The following DENND5B variants were observed in gnomAD, a reference collection of about 807,000 sequenced individuals.
The protein encoded by DENND5B is DENN domain containing 5B, also known as DENN domain-containing protein 5B.
A neutral mutation model predicts 140.6 loss-of-function variants in DENND5B; 34 were observed. The observed-to-expected ratio is 0.24, with a 90% CI of 0.18 to 0.32. DENND5B has a LOEUF of 0.32. Ranked by LOEUF, DENND5B falls within the 10% of genes least tolerant of loss-of-function variation. The pLI, the probability that DENND5B is intolerant of heterozygous loss-of-function variation, is 1.00. For synonymous variants in DENND5B, 551 were observed against 562.1 expected (o/e 0.98, Z 0.28); for missense variants, 1,142 against 1,560.2 (o/e 0.73, Z 4.52).
chr12:31,523,743 A>G (rs942294228), intron 1 of DENND5B, among the ~76,000 whole-genome samples: 3 of 152,226 alleles, frequency 2.0e-5, no homozygotes, highest in African/African-American at 2.4e-5. Flanking sequence ...GACAAGAAAG[A>G]TAACTACAGG....
Position 31,409,280 on chromosome 12 carries a change from C to A in DENND5B, c.2786G>T (p.Ser929Ile). The change falls in exon 14 of 21, where the codon AGT becomes ATT. Residue 929 changes from serine (S) to isoleucine (I), a missense_variant. Physicochemically the swap from Ser to Ile is moderately radical, Grantham distance 142. Around this residue, in one of 5 missense-constraint regions of DENND5B, gnomAD observed 268 missense variants for 349.2 expected, o/e 0.77. Transcript: ENST00000389082. ...AGACTTACTGATAGTGGTGAACACA[C>A]TGGTGAAGCAGAAATAGTCCACAGC... The part of the protein sequence containing the change: ...LNAVDYFCFT[S>I]VFTTIMIPYR... The A allele has an allele frequency of 6.4e-7, 1 of 1,574,382 alleles. No individual in the cohort carries two copies. The highest frequency in any genetic ancestry group is 1.2e-5 in the South Asian group (1 of 85,264).
At chr12:31,526,465 T>C (rs536658615) in intron 1 of DENND5B, among the ~76,000 whole-genome samples, 3 of 152,232 alleles carry the variant, frequency 2.0e-5, no homozygotes, top group Non-Finnish European at 4.4e-5. Context: ...CTATATATTC[T>C]AGTGCTCCTA....
chr12:31,487,914 T>A (rs1946371827), intron 2 of DENND5B, among the ~76,000 whole-genome samples: 1 of 151,988 alleles, frequency 6.6e-6, no homozygotes, highest in African/African-American at 2.4e-5. Context: ...CAGCTGGGGG[T>A]AAAGCACCAG....
intron 1 of DENND5B, among the ~76,000 whole-genome samples, chr12:31,535,679 T>TA (rs764457013): frequency 2.0e-5 from 3 of 150,654 alleles, no homozygotes; most frequent in Non-Finnish European, 4.4e-5. Context: ...GAAGAGTGGG[T>TA]AAAAAAAAAG....
At chr12:31,423,563 C>T (rs1353616476) in intron 11 of DENND5B, 34 bp downstream of exon 11, 1 of 1,605,710 alleles carries the variant, frequency 6.2e-7, no homozygotes. Flanking sequence ...TCTCAGAGTC[C>T]AGTGCTGCTA....
chr12:31,557,805 C>T (rs1264034137), intron 1 of DENND5B, among the ~76,000 whole-genome samples: 1 of 115,636 alleles, frequency 8.6e-6, no homozygotes, highest in Non-Finnish European at 1.7e-5. Flanking sequence ...AACTGGGGAG[C>T]TGTGGTGGCA....
At chr12:31,569,060 CTTTTTT>C (rs1234009016) in intron 1 of DENND5B, among the ~76,000 whole-genome samples, 1 of 93,150 alleles carries the variant, frequency 1.1e-5, no homozygotes, top group East Asian at 2.5e-4. Flanking sequence ...AGCAACATAC[CTTTTTT>C]TTTTTTTTTT....
rs556308398 is a variant in DENND5B at position 31,466,465 on chromosome 12, C to T, written c.905-6084G>A. On this transcript the variant is annotated intron_variant, in intron 3 of 20. Transcript: ENST00000389082. ...CCCAGCACTCTGGGAGGCCACGGCG[C>T]GTGGATCACTTGAGGTTAGGAGTTC... 1.5e-4 allele frequency among the ~76,000 whole-genome samples: 23 copies of T among 151,998 alleles called. No individual in the cohort carries two copies. The South Asian group carries it at 2.7e-3, about 18-fold the overall frequency.
chr12:31,462,576 T>A (rs541469835), intron 3 of DENND5B, among the ~76,000 whole-genome samples: 40 of 152,252 alleles, frequency 2.6e-4, no homozygotes, highest in Non-Finnish European at 5.0e-4. Flanking sequence ...TAGGGCCCAC[T>A]TCACACCCAG....
At chr12:31,549,310 G>A (rs142503463) in intron 1 of DENND5B, among the ~76,000 whole-genome samples, 9 of 152,032 alleles carry the variant, frequency 5.9e-5, no homozygotes, top group East Asian at 1.9e-4. Context: ...ATCGTAAAAC[G>A]GCACTGACTT....
intron 20 of DENND5B, among the ~76,000 whole-genome samples, chr12:31,388,530 A>G (rs1019186329): frequency 2.6e-5 from 4 of 152,094 alleles, no homozygotes; most frequent in Non-Finnish European, 5.9e-5. Context: ...TTAGTAACCC[A>G]TTGCTAAGTT....
chr12:31,543,630 T>C (rs1565680325), intron 1 of DENND5B, among the ~76,000 whole-genome samples: 1 of 152,100 alleles, frequency 6.6e-6, no homozygotes. Context: ...TACAAACAAG[T>C]TGCTAGGAAA....
At chr12:31,397,319 C>T (rs1044229921) in intron 17 of DENND5B, among the ~76,000 whole-genome samples, 5 of 151,940 alleles carry the variant, frequency 3.3e-5, no homozygotes, top group East Asian at 1.9e-4. Context: ...GAAGCTAAGG[C>T]GGGTGGATCT....
intron 3 of DENND5B, among the ~76,000 whole-genome samples, chr12:31,462,566 T>C (rs926295701): frequency 1.3e-5 from 2 of 152,142 alleles, no homozygotes; most frequent in Non-Finnish European, 2.9e-5. Flanking sequence ...CCATAAAGCA[T>C]AGGGCCCACT....
At chr12:31,398,442 C>G in intron 16 of DENND5B, 80 bp from the exon 17 acceptor site, 1 of 1,362,540 alleles carries the variant, frequency 7.3e-7, no homozygotes, top group Non-Finnish European at 9.8e-7. Flanking sequence ...GTAGTTGAGA[C>G]TACAGGTGTG....
intron 14 of DENND5B, among the ~76,000 whole-genome samples, chr12:31,408,753 T>C (rs970722880): frequency 3.9e-5 from 6 of 152,174 alleles, no homozygotes; most frequent in African/African-American, 9.6e-5. Context: ...CGTTAAGATA[T>C]TGAAATATTT....
chr12:31,453,638 T>C (rs11615778), intron 4 of DENND5B, among the ~76,000 whole-genome samples: 22,814 of 152,008 alleles, frequency 0.15, 1,926 homozygotes, highest in East Asian at 0.25. Flanking sequence ...ATAAACAAAA[T>C]AGGAAGCTTC....
chr12:31,442,978 AAAT>A lies in DENND5B; in HGVS notation c.1862-56_1862-54del, dbSNP rs1397645144. 35 of 1,498,646 alleles carry A rather than the reference AAAT, an allele frequency of 2.3e-5. No individual in the cohort carries two copies. The African/African-American group carries it at 3.6e-4, about 16-fold the overall frequency. 92.8% of individuals were successfully genotyped at this position (1,498,646 alleles called of 1,614,324 possible). ...AGACATTTCATTGCTAGCCCTTCAA[AAAT>A]AATGCTTCCTCCACTCATGCACCTA... On this transcript the variant is annotated intron_variant, in intron 6 of 20. Transcript: ENST00000389082.
chr12:31,446,924 A>G (rs548828447), intron 6 of DENND5B, among the ~76,000 whole-genome samples: 15 of 151,660 alleles, frequency 9.9e-5, no homozygotes, highest in Admixed American at 5.9e-4. Flanking sequence ...AAAAAGAAAC[A>G]TAAGTAGCAA....
Sources: gnomAD v4.1 joint callset for allele counts (sites outside exome capture counted in the v4.1 genomes callset) on GRCh38, gnomAD v4.1.1 for gene constraint, gnomAD v4.1.1 regional missense constraint, MANE v1.5 for transcripts, NCBI Gene and HGNC (gene_info 2026-07-23, HGNC 2026-07-21) for gene names.